ZNF267: variants seen among roughly 807,000 people sequenced by gnomAD.
ZNF267 encodes the protein zinc finger (C2H2).
ZNF267 carries 61 observed loss-of-function variants against 71.6 expected under a neutral mutation model. That is an observed-to-expected ratio of 0.85 (90% CI 0.69 to 1.05). ZNF267 has a LOEUF of 1.05. Ranked by LOEUF, ZNF267 falls within the 50% of genes least tolerant of loss-of-function variation. ZNF267 has a pLI of 0.00. For synonymous variants in ZNF267, 288 were observed against 293.2 expected (o/e 0.98, Z 0.18); for missense variants, 852 against 870.0 (o/e 0.98, Z 0.26).
At chr16:31,885,551 G>A (rs2083918688) in intron 3 of ZNF267, among the ~76,000 whole-genome samples, 1 of 152,146 alleles carries the variant, frequency 6.6e-6, no homozygotes, top group Non-Finnish European at 1.5e-5. Context: ...TTGATTTGGG[G>A]GCTCTGGGAA....
chr16:31,873,984 T>C lies in ZNF267; in HGVS notation c.3+15T>C. 1 of 1,610,326 alleles carries C rather than the reference T, an allele frequency of 6.2e-7. No individual in the cohort carries two copies. The highest frequency in any genetic ancestry group is 8.5e-7 in the Non-Finnish European group (1 of 1,177,580). Reference sequence around the variant, plus strand: ...GCTGGGAAATGGTGAGTGTGCGGGGTCGGGGGTCCCCAGAGGGAGGGAGGG... The same window carrying C: ...GCTGGGAAATGGTGAGTGTGCGGGGCCGGGGGTCCCCAGAGGGAGGGAGGG... On this transcript the variant is annotated intron_variant, in intron 1 of 3. Coordinates refer to ENST00000300870, the MANE Select transcript of ZNF267 (RefSeq NM_003414.6).
At chr16:31,897,996 A>T (rs903993143) in intron 3 of ZNF267, among the ~76,000 whole-genome samples, 1 of 152,096 alleles carries the variant, frequency 6.6e-6, no homozygotes, top group Admixed American at 6.5e-5. Context: ...TTAGTGTTCA[A>T]GTCTTCTGTT....
chr16:31,904,517 A>G (rs966774514), intron 3 of ZNF267, among the ~76,000 whole-genome samples: 13 of 152,360 alleles, frequency 8.5e-5, no homozygotes, highest in Admixed American at 5.2e-4. Context: ...TTCTTGTTGA[A>G]TTGATCCCTT....
chr16:31,891,061 T>C (rs769050209), intron 3 of ZNF267, among the ~76,000 whole-genome samples: 1 of 152,162 alleles, frequency 6.6e-6, no homozygotes, highest in Non-Finnish European at 1.5e-5. Context: ...GATTTGTTTT[T>C]GTTGTTTTTA....
At chr16:31,877,157 CCT>C (rs756277565) in intron 1 of ZNF267, among the ~76,000 whole-genome samples, 5 of 151,982 alleles carry the variant, frequency 3.3e-5, no homozygotes, top group Admixed American at 1.3e-4. Context: ...TGGTTTTCCC[CCT>C]GTGTTTTCCT....
chr16:31,884,472 C>A, intron 1 of ZNF267, 26 bp from the exon 2 acceptor site: 1 of 1,613,688 alleles, frequency 6.2e-7, no homozygotes, highest in South Asian at 1.1e-5. Flanking sequence ...GCCACATGGT[C>A]AGTGTATTCT....
chr16:31,894,454 G>GT (rs373577654), intron 3 of ZNF267: 15,504 of 368,260 alleles, frequency 0.042, 1 homozygote, highest in South Asian at 0.073. Context: ...ACCTGTTAGT[G>GT]TTTTTTTTTT....
chr16:31,890,007 C>T (rs1366753762), intron 3 of ZNF267, among the ~76,000 whole-genome samples: 1 of 152,068 alleles, frequency 6.6e-6, no homozygotes, highest in African/African-American at 2.4e-5. Context: ...AATTTTAATC[C>T]TAAATTTAAA....
In ZNF267 at chr16:31,915,448, G is replaced by A. The variant is rs372256746; in HGVS notation, c.1199G>A (p.Arg400Lys). ...TCCTCCAATCTTATTGTGCATCAGA[G>A]AATTCACACTGGAGAGAAACCATAC... ...TRSSNLIVHQRIHTGEKPYKC... is the reference protein window; with the variant it reads ...TRSSNLIVHQKIHTGEKPYKC... Residue 400 changes from arginine (R) to lysine (K), a missense_variant, in exon 4 of 4, where the codon AGA becomes AAA. By Grantham distance (26) the Arg-to-Lys change is conservative. Transcript: ENST00000300870. 2 of 1,613,778 alleles carry A rather than the reference G, an allele frequency of 1.2e-6. No homozygotes were observed. The highest frequency in any genetic ancestry group is 1.3e-5 in the African/African-American group (1 of 74,918).
chr16:31,909,929 G>T (rs1288607536), intron 3 of ZNF267, among the ~76,000 whole-genome samples: 1 of 152,096 alleles, frequency 6.6e-6, no homozygotes, highest in African/African-American at 2.4e-5. Context: ...TTATTTTGAG[G>T]TATGTTCTTT....
Position 31,915,646 on chromosome 16 carries a change from G to A in ZNF267, c.1397G>A (p.Cys466Tyr). Residue 466 changes from cysteine (C) to tyrosine (Y), a missense_variant, in exon 4 of 4, where the codon TGT becomes TAT. Cys to Tyr is a radical substitution (Grantham distance 194). Coordinates refer to ENST00000300870, the MANE Select transcript of ZNF267 (RefSeq NM_003414.6). The part of the protein sequence containing the change: ...TTHTGEKLYK[C>Y]KVCSKSYARS... ...CATACAGGAGAAAAACTTTACAAAT[G>A]TAAAGTATGTAGCAAATCTTATGCT... 3 of 1,613,916 alleles carry A rather than the reference G, an allele frequency of 1.9e-6. No individual in the cohort carries two copies. Among genetic ancestry groups the A allele is most frequent in the African/African-American group, 1.3e-5 (1 of 75,054 alleles).
At chr16:31,873,992 C>T in intron 1 of ZNF267, 23 bp downstream of exon 1, 1 of 1,607,560 alleles carries the variant, frequency 6.2e-7, no homozygotes, top group South Asian at 1.1e-5. Flanking sequence ...GGTCGGGGGT[C>T]CCCAGAGGGA....
intron 3 of ZNF267, among the ~76,000 whole-genome samples, chr16:31,901,867 C>G (rs2084044345): frequency 6.6e-6 from 1 of 152,146 alleles, no homozygotes; most frequent in Non-Finnish European, 1.5e-5. Context: ...GAAGTCCTTG[C>G]CCATGCCTAT....
chr16:31,884,813 G>T (rs1276470170), intron 2 of ZNF267, among the ~76,000 whole-genome samples, 189 bp downstream of exon 2: 1 of 152,146 alleles, frequency 6.6e-6, no homozygotes, highest in Non-Finnish European at 1.5e-5. Flanking sequence ...TTTATTTGAG[G>T]TGATGTACAA....
Position 31,901,922 on chromosome 16 carries a change from T to G in ZNF267, c.227-12554T>G, listed in dbSNP as rs1223156748. Reference sequence around the variant, plus strand: ...AGGTTTTCTTCTAGGGTTCTTAAGTTTTAGGTCTAATATGTAAGTTTTTAA... The same window carrying G: ...AGGTTTTCTTCTAGGGTTCTTAAGTGTTAGGTCTAATATGTAAGTTTTTAA... On this transcript the variant is annotated intron_variant, in intron 3 of 3. Coordinates refer to ENST00000300870, the MANE Select transcript of ZNF267 (RefSeq NM_003414.6). Among the ~76,000 whole-genome samples the G allele has an allele frequency of 2.0e-5, 3 of 152,220 alleles. No individual in the cohort carries two copies. The East Asian group carries it at 5.8e-4, about 29-fold the overall frequency.
intron 1 of ZNF267, chr16:31,875,281 T>C (rs2083844254): frequency 7.8e-7 from 1 of 1,289,296 alleles, no homozygotes. Flanking sequence ...CCAGGTCACC[T>C]CCTGTTAGAG....
At position 31,915,926 on chromosome 16, in the gene ZNF267, T is replaced by C. The variant is rs749158015; in HGVS notation, c.1677T>C (p.Tyr559=). The C allele has an allele frequency of 6.2e-7, 1 of 1,613,968 alleles. No individual in the cohort carries two copies. Among genetic ancestry groups the C allele is most frequent in the Middle Eastern group, 1.7e-4 (1 of 6,060 alleles). The change falls in exon 4 of 4, where the codon TAT becomes TAC. Residue 559 remains tyrosine, a synonymous_variant. Transcript: ENST00000300870. ...KCKECGKAFP[Y]SSHLIRHHRI... ...AAGAATGTGGCAAAGCCTTTCCTTA[T>C]AGTTCACACCTTATTCGACATCATC...
Position 31,916,401 on chromosome 16 carries a change from T to G in ZNF267, c.2152T>G (p.Cys718Gly). 1 of 1,614,136 alleles carries G rather than the reference T, an allele frequency of 6.2e-7. No individual in the cohort carries two copies. ...RSHSGERPYK[C>G]EECGKAFNSR... is the part of the protein sequence containing the mutation. ...TCATAGTGGAGAGAGACCCTACAAA[T>G]GTGAAGAATGTGGCAAAGCCTTTAA... The change falls in exon 4 of 4, where the codon TGT becomes GGT. Residue 718 changes from cysteine (C) to glycine (G), a missense_variant. By Grantham distance (159) the Cys-to-Gly change is radical (BLOSUM62 -3). Coordinates refer to ENST00000300870, the MANE Select transcript of ZNF267 (RefSeq NM_003414.6).
At position 31,873,884 on chromosome 16, in the gene ZNF267, T is replaced by G. The variant is rs998074058; in HGVS notation, c.-83T>G. On this transcript the variant is annotated 5_prime_UTR_variant, in exon 1 of 4. Transcript: ENST00000300870. ...CCCAGGCGGCTTCGCGTTCTGAGAA[T>G]AAACAGAACCTCTGTTGCTCTGCGA... 1 of 1,596,348 alleles carries G rather than the reference T, an allele frequency of 6.3e-7. No individual in the cohort carries two copies. Among genetic ancestry groups the G allele is most frequent in the Non-Finnish European group, 8.6e-7 (1 of 1,164,058 alleles).
Sources: allele counts gnomAD v4.1 joint callset (sites outside exome capture counted in the v4.1 genomes callset), GRCh38; gene constraint gnomAD v4.1.1; transcripts MANE v1.5; gene names NCBI Gene and HGNC (gene_info 2026-07-23, HGNC 2026-07-21).